The following WDR36 variants were observed in gnomAD, a reference collection of about 807,000 sequenced individuals.
WDR36 encodes the protein WD repeat domain 36.
In WDR36, 63 loss-of-function variants were observed where a neutral mutation model predicts 112.7. That is an observed-to-expected ratio of 0.56 (90% CI 0.46 to 0.69). The LOEUF is 0.69. WDR36 is among the 30% of genes least tolerant of loss of function. WDR36 has a pLI of 0.00. For missense variants in WDR36, 1,226 were observed against 1,070.3 expected (o/e 1.15, Z -2.03); for synonymous variants, 410 against 362.2 (o/e 1.13, Z -1.50).
intron 21 of WDR36, among the ~76,000 whole-genome samples, chr5:111,124,666 G>A (rs1256923848): frequency 2.0e-5 from 3 of 151,826 alleles, no homozygotes; most frequent in African/African-American, 4.8e-5. Context: ...TTTAAATTTC[G>A]AAGGCTACAG....
rs570491682 is a variant in WDR36, at chr5:111,104,023, A to G, written c.730+105A>G. On this transcript the variant is annotated intron_variant, in intron 7 of 22. Coordinates refer to ENST00000513710, the MANE Select transcript of WDR36 (RefSeq NM_139281.3). Reference sequence around the variant, plus strand: ...TGGTAGCTTAATCTAATAGAAGTGAATGAATACTGGAGTAAAAGGCAAAGA... The same window carrying G: ...TGGTAGCTTAATCTAATAGAAGTGAGTGAATACTGGAGTAAAAGGCAAAGA... 4,079 of 1,475,986 alleles carry G rather than the reference A, an allele frequency of 2.8e-3. 8 individuals are homozygous for G. The highest frequency in any genetic ancestry group is 3.4e-3 in the Non-Finnish European group (3,665 of 1,079,104). 91.4% of individuals were successfully genotyped at this position (1,475,986 alleles called of 1,614,324 possible).
At chr5:111,103,974 T>A (rs943847483) in intron 7 of WDR36, 56 bp downstream of exon 7, 311 of 1,597,176 alleles carry the variant, frequency 1.9e-4, no homozygotes, top group Non-Finnish European at 2.5e-4. Flanking sequence ...TTCATTACTT[T>A]AAAAGTCAAT....
intron 12 of WDR36, among the ~76,000 whole-genome samples, chr5:111,107,984 G>A (rs545131196): frequency 2.4e-4 from 37 of 151,046 alleles, no homozygotes; most frequent in South Asian, 8.3e-4. Flanking sequence ...TTGCATTTCC[G>A]TATGGATTTT....
rs754648555 is a variant in WDR36, at chr5:111,126,714, C to G, written c.2539-20C>G. On this transcript the variant is annotated intron_variant, in intron 22 of 22. Coordinates refer to ENST00000513710, the MANE Select transcript of WDR36 (RefSeq NM_139281.3). ...ATTTTAATTTTCTTAAATGTTCAAT[C>G]ATCATATTTTTCTTTGCAGTTACAC... 20 of 1,611,870 alleles carry G rather than the reference C, an allele frequency of 1.2e-5. No individual in the cohort carries two copies. Among genetic ancestry groups the G allele is most frequent in the Non-Finnish European group, 1.5e-5 (18 of 1,178,464 alleles).
At position 111,104,306 on chromosome 5, in the gene WDR36, A is replaced by G. The variant is rs1753179194; in HGVS notation, c.860A>G (p.His287Arg). 3 of 1,612,116 alleles carry G rather than the reference A, an allele frequency of 1.9e-6. No individual in the cohort carries two copies. The highest frequency in any genetic ancestry group is 2.5e-6 in the Non-Finnish European group (3 of 1,178,546). ...GCAATTGCCGGACTGACATTTCTCC[A>G]TAGAGAGCCACTTCTTGTCACAAAT... The part of the protein sequence containing the change: ...STAIAGLTFL[H>R]REPLLVTNGA... The change falls in exon 8 of 23, where the codon CAT (histidine) becomes CGT (arginine). Residue 287 changes from histidine to arginine, a missense_variant. Transcript: ENST00000513710.
Position 111,129,155 on chromosome 5 carries a change from A to G in WDR36, c.*2272A>G, listed in dbSNP as rs745812752. ...TTTGCCTATAATAGACACTTAAGGAAGTTTTCCTTCTTTTTATTCCTTTAT... is the reference window on the plus strand; with the variant it reads ...TTTGCCTATAATAGACACTTAAGGAGGTTTTCCTTCTTTTTATTCCTTTAT... On this transcript the variant is annotated 3_prime_UTR_variant, in exon 23 of 23. Transcript: ENST00000513710. 3.7e-4 allele frequency: 73 copies of G among 198,844 alleles called. No individual in the cohort carries two copies. The highest frequency in any genetic ancestry group is 6.6e-4 in the Non-Finnish European group (64 of 96,244). The allele number at this position is 198,844 out of a possible 1,614,324, so 12.3% of individuals were successfully genotyped here. A position where few individuals can be genotyped will look rare whatever the true frequency, so the allele number is the denominator to read the frequency against.
intron 22 of WDR36, 69 bp downstream of exon 22, chr5:111,125,864 T>C: frequency 6.5e-7 from 1 of 1,542,868 alleles, no homozygotes; most frequent in South Asian, 1.1e-5. Flanking sequence ...AACAGAACTT[T>C]CTGCAAAGAT....
chr5:111,103,319 T>G (rs1027647893), intron 6 of WDR36, among the ~76,000 whole-genome samples: 1 of 151,758 alleles, frequency 6.6e-6, no homozygotes, highest in Non-Finnish European at 1.5e-5. Flanking sequence ...TTTTTTGCCT[T>G]TTCACATGTT....
At position 111,092,588 on chromosome 5, in the gene WDR36, C is replaced by A; in HGVS notation, c.132C>A (p.Thr44=). ...SALKRRFYVT[T]CVGKSFHTYD... ...TCAAGCGCCGGTTCTATGTAACAAC[C>A]TGCGTGGGCAAGAGTTTCCACACCT... The change falls in exon 1 of 23, where the codon ACC becomes ACA. Residue 44 remains threonine, a synonymous_variant. Coordinates refer to ENST00000513710, the MANE Select transcript of WDR36 (RefSeq NM_139281.3). 1 of 1,613,994 alleles carries A rather than the reference C, an allele frequency of 6.2e-7. No individual in the cohort carries two copies. Among genetic ancestry groups the A allele is most frequent in the Non-Finnish European group, 8.5e-7 (1 of 1,180,020 alleles).
Position 111,127,933 on chromosome 5 carries a change from T to G in WDR36, c.*1050T>G, listed in dbSNP as rs552084607. The G allele has an allele frequency of 0.034, 6,760 of 196,134 alleles. 420 individuals carry two copies. Among genetic ancestry groups the G allele is most frequent in the African/African-American group, 0.14 (5,398 of 39,764 alleles). 12.1% of individuals were successfully genotyped at this position (196,134 alleles called of 1,614,324 possible). The stretch of plus-strand genomic sequence containing the variant: ...ATTTTGTTTTGTTTTGTTTTTTTTT[T>G]TTTTTTTTTGGCTACACTTTTTTGG... On this transcript the variant is annotated 3_prime_UTR_variant, in exon 23 of 23. Coordinates refer to ENST00000513710, the MANE Select transcript of WDR36 (RefSeq NM_139281.3).
intron 17 of WDR36, among the ~76,000 whole-genome samples, chr5:111,119,972 G>T (rs1179348296): frequency 6.6e-6 from 1 of 151,952 alleles, no homozygotes; most frequent in Non-Finnish European, 1.5e-5. Context: ...GATTCATAAG[G>T]TGTGGGAAAA....
chr5:111,097,721 G>A (rs1753022774), intron 3 of WDR36, among the ~76,000 whole-genome samples: 1 of 152,174 alleles, frequency 6.6e-6, no homozygotes, highest in Non-Finnish European at 1.5e-5. Context: ...ATTTGTCCTG[G>A]AACAACTAGC....
At chr5:111,113,262 A>T in intron 16 of WDR36, 109 bp downstream of exon 16, 1 of 576,128 alleles carries the variant, frequency 1.7e-6, no homozygotes, top group Non-Finnish European at 3.1e-6. Context: ...CAATGTGACT[A>T]TATTTGGAGA....
intron 10 of WDR36, 73 bp downstream of exon 10, chr5:111,105,433 A>C: frequency 7.4e-7 from 1 of 1,349,386 alleles, no homozygotes; most frequent in African/African-American, 1.4e-5. Context: ...CAACTGGAGG[A>C]AGTTTCATCA....
rs1753739115 is a variant in WDR36 at position 111,129,346 on chromosome 5, T to TA, written c.*2464dup. On this transcript the variant is annotated 3_prime_UTR_variant, in exon 23 of 23. Coordinates refer to ENST00000513710, the MANE Select transcript of WDR36 (RefSeq NM_139281.3). Reference sequence around the variant, plus strand: ...GGGTTCCAGAATGGCTGTATCAAGTTACAGTTCCCCTGAGCAAGATATGAG... The same window carrying TA: ...GGGTTCCAGAATGGCTGTATCAAGTTAACAGTTCCCCTGAGCAAGATATGAG... 5.2e-6 allele frequency: 1 copy of TA among 193,490 alleles called. No homozygotes were observed. The highest frequency in any genetic ancestry group is 2.3e-5 in the African/African-American group (1 of 43,266). 12.0% of individuals were successfully genotyped at this position (193,490 alleles called of 1,614,324 possible). A position where few individuals can be genotyped will look rare whatever the true frequency, so the allele number is the denominator to read the frequency against.
intron 5 of WDR36, among the ~76,000 whole-genome samples, chr5:111,101,016 T>G (rs1753111615): frequency 6.6e-6 from 1 of 151,994 alleles, no homozygotes; most frequent in Non-Finnish European, 1.5e-5. Context: ...AAGCTAGAGA[T>G]TATTTAAAGT....
chr5:111,125,575 A>G lies in WDR36; in HGVS notation c.2351-33A>G, dbSNP rs749170862. 3.1e-6 allele frequency: 5 copies of G among 1,594,710 alleles called. No homozygotes were observed. In the South Asian group the frequency reaches 5.6e-5, roughly 18 times the overall value. On this transcript the variant is annotated intron_variant, in intron 21 of 22. Transcript: ENST00000513710. ...TAATTTTCTAAGTTAAATGATTATAATCAAGTCATAACTGGATTAAAATTT... is the reference window on the plus strand; with the variant it reads ...TAATTTTCTAAGTTAAATGATTATAGTCAAGTCATAACTGGATTAAAATTT...
intron 14 of WDR36, 89 bp from the exon 15 acceptor site, chr5:111,111,081 G>T: frequency 6.4e-7 from 1 of 1,552,610 alleles, no homozygotes; most frequent in Non-Finnish European, 8.9e-7. Flanking sequence ...TTCCCCCAAA[G>T]TGTACTTGAT....
intron 4 of WDR36, among the ~76,000 whole-genome samples, chr5:111,099,063 T>A (rs1207893834): frequency 1.3e-5 from 2 of 152,204 alleles, no homozygotes; most frequent in African/African-American, 4.8e-5. Flanking sequence ...TTACCTCAAC[T>A]AATGTATTTT....
Sources: gnomAD v4.1 joint callset for allele counts (sites outside exome capture counted in the v4.1 genomes callset) on GRCh38, gnomAD v4.1.1 for gene constraint, MANE v1.5 for transcripts, NCBI Gene and HGNC (gene_info 2026-07-23, HGNC 2026-07-21) for gene names.